The following NKAIN2 variants were observed in gnomAD, a reference collection of about 807,000 sequenced individuals.
NKAIN2 encodes the protein sodium/potassium-transporting ATPase subunit beta-1-interacting protein 2.
A neutral mutation model predicts 32.6 loss-of-function variants in NKAIN2; 14 were observed. The ratio of observed to expected loss-of-function variants is 0.43; its 90% CI spans 0.28 to 0.67. The LOEUF (loss-of-function observed/expected upper bound fraction) is 0.67. NKAIN2 is among the 30% of genes least tolerant of loss of function. NKAIN2 has a pLI of 0.17. For synonymous variants in NKAIN2, 80 were observed against 87.2 expected, an observed-to-expected ratio of 0.92 and a Z score of 0.46; for missense variants, 198 against 258.3, an observed-to-expected ratio of 0.77 and a Z score of 1.60.
At chr6:123,903,415 A>G (rs1037576565) in intron 1 of NKAIN2, among the ~76,000 whole-genome samples, 1 of 152,214 alleles carries the variant, frequency 6.6e-6, no homozygotes. Context: ...GATGAAGACT[A>G]TCAAGATTCC....
intron 1 of NKAIN2, among the ~76,000 whole-genome samples, chr6:124,181,408 C>A (rs1385861027): frequency 2.0e-5 from 3 of 152,136 alleles, no homozygotes; most frequent in Admixed American, 6.5e-5. Flanking sequence ...TTGCAAATTT[C>A]TGCAGCTGGC....
intron 2 of NKAIN2, among the ~76,000 whole-genome samples, chr6:124,308,334 A>G (rs1441926437): frequency 6.6e-6 from 1 of 152,142 alleles, no homozygotes; most frequent in East Asian, 1.9e-4. Context: ...TTCTCTTACC[A>G]TTGTATTACT....
At chr6:124,654,969 C>G (rs1213619382) in intron 3 of NKAIN2, among the ~76,000 whole-genome samples, 1 of 151,994 alleles carries the variant, frequency 6.6e-6, no homozygotes, top group African/African-American at 2.4e-5. Context: ...GTTATGGCAG[C>G]CCTAGCAAAC....
At chr6:124,639,647 A>G (rs1027692175) in intron 3 of NKAIN2, among the ~76,000 whole-genome samples, 2 of 152,170 alleles carry the variant, frequency 1.3e-5, no homozygotes, top group African/African-American at 4.8e-5. Context: ...AAAAAAAAGT[A>G]TATATAATAT....
Position 123,964,151 on chromosome 6 carries a change from G to T in NKAIN2, c.54+159897G>T, listed in dbSNP as rs1777976052. On this transcript the variant is annotated intron_variant, in intron 1 of 6. Coordinates refer to ENST00000368417, the MANE Select transcript of NKAIN2 (RefSeq NM_001040214.3). The surrounding 1 kb of genome is among the most constrained non-coding windows in gnomAD (Gnocchi z 4.0). The stretch of plus-strand genomic sequence containing the variant: ...GGTGTGATTTCCAGGAATGCATTGT[G>T]GTGTGAAGTAGAAATTACCTACATC... 1.3e-5 allele frequency among the ~76,000 whole-genome samples: 2 copies of T among 152,024 alleles called. No homozygotes were observed. Among genetic ancestry groups the T allele is most frequent in the Non-Finnish European group, 2.9e-5 (2 of 68,024 alleles).
chr6:123,979,865 T>G (rs1459346340), intron 1 of NKAIN2, among the ~76,000 whole-genome samples: 1 of 149,262 alleles, frequency 6.7e-6, no homozygotes, highest in Non-Finnish European at 1.5e-5. Flanking sequence ...CTAGCTCTTG[T>G]TTGTGTCTAC....
At chr6:124,690,477 AAAAGAAGTGT>A (rs1774202584) in intron 4 of NKAIN2, among the ~76,000 whole-genome samples, 1 of 152,152 alleles carries the variant, frequency 6.6e-6, no homozygotes, top group East Asian at 1.9e-4. Context: ...TAAAATGTTG[AAAAGAAGTGT>A]TGAAAGGGGA....
intron 3 of NKAIN2, among the ~76,000 whole-genome samples, chr6:124,615,876 G>A (rs1351589398): frequency 6.6e-6 from 1 of 151,940 alleles, no homozygotes; most frequent in African/African-American, 2.4e-5. Context: ...ATCTGCTATT[G>A]TGTTCAGTAA....
intron 3 of NKAIN2, among the ~76,000 whole-genome samples, chr6:124,445,341 A>G (rs1775845114): frequency 6.6e-6 from 1 of 152,102 alleles, no homozygotes; most frequent in Non-Finnish European, 1.5e-5. Context: ...ATTAATTTGA[A>G]AAATACTTTT....
At chr6:124,562,116 A>G (rs1346977769) in intron 3 of NKAIN2, among the ~76,000 whole-genome samples, 1 of 152,216 alleles carries the variant, frequency 6.6e-6, no homozygotes, top group Non-Finnish European at 1.5e-5. Flanking sequence ...GTTACTTTTG[A>G]GAATCTAACA....
At chr6:124,588,576 A>C (rs1781795854) in intron 3 of NKAIN2, among the ~76,000 whole-genome samples, 1 of 152,180 alleles carries the variant, frequency 6.6e-6, no homozygotes, top group East Asian at 1.9e-4. Flanking sequence ...TCAATAAATG[A>C]AATTCGCTTT....
At chr6:123,932,773 T>C (rs1776315783) in intron 1 of NKAIN2, among the ~76,000 whole-genome samples, 1 of 150,970 alleles carries the variant, frequency 6.6e-6, no homozygotes, top group Non-Finnish European at 1.5e-5. Context: ...TTGGGGACTT[T>C]TTTTTTTTTT....
chr6:124,639,247 A>G (rs1321094088), intron 3 of NKAIN2, among the ~76,000 whole-genome samples: 1 of 152,228 alleles, frequency 6.6e-6, no homozygotes, highest in Non-Finnish European at 1.5e-5. Context: ...AAATTAGTAT[A>G]TCAAAGAGAT....
intron 1 of NKAIN2, among the ~76,000 whole-genome samples, chr6:124,264,206 A>G (rs993813012): frequency 6.6e-6 from 1 of 152,136 alleles, no homozygotes; most frequent in Non-Finnish European, 1.5e-5. Flanking sequence ...AAATTATTCA[A>G]TATTTATTTA....
intron 4 of NKAIN2, among the ~76,000 whole-genome samples, chr6:124,692,747 C>T (rs188189508): frequency 1.7e-3 from 262 of 150,164 alleles, no homozygotes; most frequent in Non-Finnish European, 2.9e-3. Context: ...ACCTGGGAGG[C>T]GGAGGTTGCA....
intron 5 of NKAIN2, among the ~76,000 whole-genome samples, chr6:124,800,190 T>C (rs2786915): frequency 0.92 from 140,043 of 152,224 alleles, 64,598 homozygotes; most frequent in East Asian, 1. Flanking sequence ...CACTTCCTTA[T>C]GCCCGGTTCT....
chr6:124,265,034 G>T (rs1428833686), intron 1 of NKAIN2, among the ~76,000 whole-genome samples: 1 of 152,030 alleles, frequency 6.6e-6, no homozygotes, highest in Non-Finnish European at 1.5e-5. Flanking sequence ...CATATAAGCT[G>T]TATGTATATT....
chr6:124,108,820 G>A (rs935711818), intron 1 of NKAIN2, among the ~76,000 whole-genome samples: 1 of 151,918 alleles, frequency 6.6e-6, no homozygotes, highest in African/African-American at 2.4e-5. Flanking sequence ...AGATACACTG[G>A]CAATCTTGTC....
intron 3 of NKAIN2, among the ~76,000 whole-genome samples, chr6:124,372,128 AC>A (rs1347500264): frequency 6.6e-6 from 1 of 152,166 alleles, no homozygotes; most frequent in Non-Finnish European, 1.5e-5. Context: ...TATTGGTACT[AC>A]AAAAAGCTCT....
Sources: allele counts gnomAD v4.1 joint callset (sites outside exome capture counted in the v4.1 genomes callset), GRCh38; gene constraint gnomAD v4.1.1; non-coding constraint Gnocchi (gnomAD v3.1); transcripts MANE v1.5; gene names NCBI Gene and HGNC (gene_info 2026-07-23, HGNC 2026-07-21).